The following LANCL2 variants were observed in gnomAD, a reference collection of about 807,000 sequenced individuals.
LANCL2 encodes the protein LanC like glutathione S-transferase 2.
In LANCL2, 33 loss-of-function variants were observed where a neutral mutation model predicts 56.9. The ratio of observed to expected loss-of-function variants is 0.58; its 90% CI spans 0.44 to 0.78. The LOEUF (loss-of-function observed/expected upper bound fraction) is 0.78. LANCL2 is among the 30% of genes least tolerant of loss of function. The pLI is 0.00. For synonymous variants in LANCL2, 233 were observed against 228.2 expected, an observed-to-expected ratio of 1.02 and a Z score of -0.19; for missense variants, 562 against 580.2, an observed-to-expected ratio of 0.97 and a Z score of 0.32.
chr7:55,394,515 A>G (rs1393147237), intron 2 of LANCL2, among the ~76,000 whole-genome samples: 2 of 152,202 alleles, frequency 1.3e-5, no homozygotes, highest in African/African-American at 4.8e-5. Flanking sequence ...AGCCATGATT[A>G]CACTGCTGCA....
At chr7:55,395,390 G>A (rs1194373383) in intron 2 of LANCL2, among the ~76,000 whole-genome samples, 5 of 152,220 alleles carry the variant, frequency 3.3e-5, no homozygotes, top group African/African-American at 1.2e-4. Flanking sequence ...TCAGAGCAGA[G>A]ATGGCTAGAC....
chr7:55,428,125 G>A (rs573662093), intron 7 of LANCL2: 343 of 553,112 alleles, frequency 6.2e-4, no homozygotes, highest in Non-Finnish European at 1.0e-3. Flanking sequence ...TCGTTGAGCC[G>A]TTCGGTTTTC....
intron 7 of LANCL2, 30 bp downstream of exon 7, chr7:55,425,460 G>T: frequency 6.2e-7 from 1 of 1,604,022 alleles, no homozygotes; most frequent in South Asian, 1.1e-5. Context: ...AACTGCTTCT[G>T]AACAACCCCG....
intron 5 of LANCL2, among the ~76,000 whole-genome samples, chr7:55,406,549 A>G (rs575575346): frequency 2.6e-5 from 4 of 152,282 alleles, no homozygotes; most frequent in Non-Finnish European, 4.4e-5. Flanking sequence ...CTTAGCTTCA[A>G]GGTTGCCTCA....
In LANCL2 at chr7:55,427,724, T is replaced by C. The variant is rs542358677; in HGVS notation, c.1186-651T>C. On this transcript the variant is annotated intron_variant, in intron 7 of 8. Coordinates refer to ENST00000254770, the MANE Select transcript of LANCL2 (RefSeq NM_018697.4). The stretch of plus-strand genomic sequence containing the variant: ...TGATACTCCTCATGTTTATTACTTA[T>C]GATTCTTAGTGTACAAATGACCCTT... Among the ~76,000 whole-genome samples, 68 of 152,366 alleles carry C rather than the reference T, an allele frequency of 4.5e-4. 1 individual carries two copies. Among genetic ancestry groups the C allele is most frequent in the African/African-American group, 1.4e-3 (59 of 41,584 alleles).
chr7:55,406,786 C>T (rs1390554912), intron 5 of LANCL2, among the ~76,000 whole-genome samples: 2 of 152,170 alleles, frequency 1.3e-5, no homozygotes, highest in Non-Finnish European at 2.9e-5. Context: ...TGAAAATAAT[C>T]TCAGAACAAC....
chr7:55,374,349 AAGAAAAC>A (rs1249925459), intron 1 of LANCL2, among the ~76,000 whole-genome samples: 1 of 152,230 alleles, frequency 6.6e-6, no homozygotes, highest in African/African-American at 2.4e-5. Flanking sequence ...AGTTTGAAAT[AAGAAAAC>A]AGAAGCAGAC....
intron 3 of LANCL2, 47 bp downstream of exon 3, chr7:55,398,677 C>T (rs371131402): frequency 7.1e-7 from 1 of 1,402,968 alleles, no homozygotes. Context: ...CCAGTGGAAG[C>T]TCTTGCTGTA....
intron 1 of LANCL2, among the ~76,000 whole-genome samples, chr7:55,366,489 C>G (rs1789872238): frequency 6.6e-6 from 1 of 152,246 alleles, no homozygotes; most frequent in Non-Finnish European, 1.5e-5. Context: ...CGCTTTCCTT[C>G]TTGGCCCGAG....
At chr7:55,405,515 C>T (rs977099792) in intron 5 of LANCL2, among the ~76,000 whole-genome samples, 1 of 125,220 alleles carries the variant, frequency 8.0e-6, no homozygotes, top group African/African-American at 3.2e-5. Flanking sequence ...TTTTTTGGGA[C>T]AGGGTCTCAC....
intron 2 of LANCL2, among the ~76,000 whole-genome samples, chr7:55,393,458 G>C (rs1325283377): frequency 6.6e-6 from 1 of 152,172 alleles, no homozygotes; most frequent in African/African-American, 2.4e-5. Context: ...ATTGAGCCCA[G>C]AGGCGGAGGT....
At chr7:55,386,489 G>T (rs1287499211) in intron 1 of LANCL2, among the ~76,000 whole-genome samples, 1 of 152,186 alleles carries the variant, frequency 6.6e-6, no homozygotes, top group African/African-American at 2.4e-5. Flanking sequence ...TTACAGAATG[G>T]TGGTGTGGGG....
At chr7:55,366,379 A>T (rs531498527) in intron 1 of LANCL2, 150 bp downstream of exon 1, 6 of 646,696 alleles carry the variant, frequency 9.3e-6, no homozygotes, top group Admixed American at 7.8e-5. Context: ...GGCCTTCCCG[A>T]TGAGCCGCGC....
At chr7:55,388,645 C>T (rs1287416874) in intron 1 of LANCL2, among the ~76,000 whole-genome samples, 2 of 152,188 alleles carry the variant, frequency 1.3e-5, no homozygotes, top group South Asian at 4.1e-4. Flanking sequence ...TTTCCTTTAT[C>T]CTTTATCTCC....
chr7:55,365,948 G>T lies in LANCL2; in HGVS notation c.-78G>T, dbSNP rs142854394. On this transcript the variant is annotated 5_prime_UTR_variant, in exon 1 of 9. Transcript: ENST00000254770. The stretch of plus-strand genomic sequence containing the variant: ...GAGGACGCTCTCTGCGCGGGCCCTC[G>T]GAGGAGGCGGCGGCGGGGCGAGCTG... 10 of 1,198,572 alleles carry T rather than the reference G, an allele frequency of 8.3e-6. No individual in the cohort carries two copies. The South Asian group carries it at 1.6e-4, about 19-fold the overall frequency. 74.2% of individuals were successfully genotyped at this position (1,198,572 alleles called of 1,614,324 possible). A position where few individuals can be genotyped will look rare whatever the true frequency, so the allele number is the denominator to read the frequency against.
At chr7:55,423,187 C>T (rs564450854) in intron 6 of LANCL2, among the ~76,000 whole-genome samples, 89 of 152,284 alleles carry the variant, frequency 5.8e-4, no homozygotes, top group African/African-American at 2.1e-3. Flanking sequence ...TTGGATGTCT[C>T]GCTGTTAGAA....
At chr7:55,387,569 A>C (rs541883736) in intron 1 of LANCL2, among the ~76,000 whole-genome samples, 35 of 151,778 alleles carry the variant, frequency 2.3e-4, no homozygotes, top group Admixed American at 2.1e-3. Flanking sequence ...ACTTTTATAA[A>C]ATTCTGAGTA....
At chr7:55,425,113 G>T in intron 6 of LANCL2, 141 bp from the exon 7 acceptor site, 20 of 751,136 alleles carry the variant, frequency 2.7e-5, no homozygotes, top group African/African-American at 1.1e-4. Context: ...GTGTTTTTTT[G>T]TTTGTTTGTC....
chr7:55,372,214 G>C (rs983827136), intron 1 of LANCL2, among the ~76,000 whole-genome samples: 2 of 152,196 alleles, frequency 1.3e-5, no homozygotes, highest in African/African-American at 4.8e-5. Flanking sequence ...TGACGTGGAA[G>C]GGTAATGGTA....
Sources: gnomAD v4.1 joint callset for allele counts (sites outside exome capture counted in the v4.1 genomes callset) on GRCh38, gnomAD v4.1.1 for gene constraint, MANE v1.5 for transcripts, NCBI Gene and HGNC (gene_info 2026-07-23, HGNC 2026-07-21) for gene names.